The following SLC35D4 variants were observed in gnomAD, a reference collection of about 807,000 sequenced individuals.
SLC35D4 encodes solute carrier family 35 member D4.
chr18:23,411,495 A>AAG, the SLC35D4 span, among the ~76,000 whole-genome samples: 1 of 130,432 alleles, frequency 7.7e-6, no homozygotes, highest in African/African-American at 3.0e-5. Context: ...GAAAGAAAGA[A>AAG]AGAAAGAAAG....
chr18:23,397,294 A>C, the SLC35D4 span, among the ~76,000 whole-genome samples: 109 of 152,332 alleles, frequency 7.2e-4, no homozygotes, highest in African/African-American at 2.6e-3. Flanking sequence ...CAGATCAAGG[A>C]TGGGCAGTGG....
the SLC35D4 span, chr18:23,297,914 T>C: frequency 2.7e-6 from 4 of 1,459,818 alleles, no homozygotes; most frequent in Non-Finnish European, 3.8e-6. Flanking sequence ...TTCTGACACA[T>C]CCAACAGGGA....
the SLC35D4 span, among the ~76,000 whole-genome samples, chr18:23,346,737 A>G: frequency 6.6e-6 from 1 of 152,174 alleles, no homozygotes; most frequent in South Asian, 2.1e-4. Flanking sequence ...TAATGAATAG[A>G]TGCTAGATTT....
At chr18:23,263,414 G>A in the SLC35D4 span, among the ~76,000 whole-genome samples, 5 of 152,240 alleles carry the variant, frequency 3.3e-5, no homozygotes, top group Admixed American at 3.3e-4. Flanking sequence ...TTGGGTCTGA[G>A]TGGCCTCCAC....
At chr18:23,390,049 G>A in the SLC35D4 span, among the ~76,000 whole-genome samples, 1 of 152,110 alleles carries the variant, frequency 6.6e-6, no homozygotes, top group African/African-American at 2.4e-5. Context: ...AATAATAGTA[G>A]CTAAGATATC....
At chr18:23,274,413 C>T in the SLC35D4 span, among the ~76,000 whole-genome samples, 2 of 152,226 alleles carry the variant, frequency 1.3e-5, no homozygotes, top group Non-Finnish European at 2.9e-5. Flanking sequence ...AAGAAAGAAT[C>T]AGCTTTGCCA....
chr18:23,290,630 C>CTT, the SLC35D4 span, among the ~76,000 whole-genome samples: 1 of 137,970 alleles, frequency 7.2e-6, no homozygotes. Flanking sequence ...CTCTGAAATT[C>CTT]TTTTTTTTTT....
chr18:23,411,552 A>AGAAAGAAAGAAAGAAAGAAC, the SLC35D4 span, among the ~76,000 whole-genome samples: 1 of 150,906 alleles, frequency 6.6e-6, no homozygotes, highest in Admixed American at 6.6e-5. Context: ...AAAGAAAGAA[A>AGAAAGAAAGAAAGAAAGAAC]GGTGTGTGCT....
the SLC35D4 span, among the ~76,000 whole-genome samples, chr18:23,246,402 T>A: frequency 6.6e-6 from 1 of 152,154 alleles, no homozygotes; most frequent in East Asian, 1.9e-4. Flanking sequence ...TTTTTTGGTT[T>A]TTTTTTTGAG....
At chr18:23,417,948 T>G in the SLC35D4 span, among the ~76,000 whole-genome samples, 1 of 152,186 alleles carries the variant, frequency 6.6e-6, no homozygotes, top group Non-Finnish European at 1.5e-5. Context: ...TTTACCCATT[T>G]GGAGCCAGGG....
the SLC35D4 span, among the ~76,000 whole-genome samples, chr18:23,426,585 A>T: frequency 6.6e-6 from 1 of 152,238 alleles, no homozygotes; most frequent in Non-Finnish European, 1.5e-5. Flanking sequence ...GAAAATGGCC[A>T]TACAGCCCAA....
the SLC35D4 span, among the ~76,000 whole-genome samples, chr18:23,242,647 G>T: frequency 6.6e-6 from 1 of 152,134 alleles, no homozygotes; most frequent in Non-Finnish European, 1.5e-5. Flanking sequence ...TGGATTTCTG[G>T]ATTCTTTTCT....
chr18:23,323,836 T>C, the SLC35D4 span, among the ~76,000 whole-genome samples: 1 of 152,144 alleles, frequency 6.6e-6, no homozygotes, highest in Admixed American at 6.5e-5. Context: ...CCCAGTACTT[T>C]GGGAGGCCGA....
chr18:23,391,261 A>G, the SLC35D4 span, among the ~76,000 whole-genome samples: 2 of 151,968 alleles, frequency 1.3e-5, no homozygotes, highest in Non-Finnish European at 2.9e-5. Flanking sequence ...AAAGAAAAGA[A>G]AAGAAAAGAT....
the SLC35D4 span, among the ~76,000 whole-genome samples, chr18:23,411,568 G>A: frequency 1.4e-5 from 2 of 147,682 alleles, no homozygotes; most frequent in African/African-American, 4.9e-5. Context: ...GTGCTGTAGG[G>A]TCTCCCAGCA....
At chr18:23,375,995 G>GAC in the SLC35D4 span, among the ~76,000 whole-genome samples, 1 of 152,148 alleles carries the variant, frequency 6.6e-6, no homozygotes, top group Non-Finnish European at 1.5e-5. Context: ...TTATCACTTA[G>GAC]TCTCTCTCCT....
chr18:23,274,854 C>T, the SLC35D4 span, among the ~76,000 whole-genome samples: 1 of 152,224 alleles, frequency 6.6e-6, no homozygotes, highest in Non-Finnish European at 1.5e-5. Flanking sequence ...GGAGCAGTCC[C>T]ATCGCCTCAG....
At chr18:23,269,638 G>A in the SLC35D4 span, among the ~76,000 whole-genome samples, 8 of 152,354 alleles carry the variant, frequency 5.3e-5, no homozygotes, top group Non-Finnish European at 1.0e-4. Flanking sequence ...ATGTGGGAAT[G>A]TTAGGAGCTT....
At chr18:23,396,701 C>G in the SLC35D4 span, among the ~76,000 whole-genome samples, 1 of 152,022 alleles carries the variant, frequency 6.6e-6, no homozygotes, top group Admixed American at 6.6e-5. Flanking sequence ...ATGACGTGAG[C>G]CCAAGAGTTT....
Sources: allele counts gnomAD v4.1 joint callset (sites outside exome capture counted in the v4.1 genomes callset), GRCh38; gene constraint gnomAD v4.1.1; transcripts MANE v1.5; gene names NCBI Gene and HGNC (gene_info 2026-07-23, HGNC 2026-07-21).